Variants in GNG4 observed in about 807,000 individuals in gnomAD.
The protein encoded by GNG4 is guanine nucleotide-binding protein G(I)/G(S)/G(O) subunit gamma-4.
In GNG4, 4 loss-of-function variants were observed where a neutral mutation model predicts 5.8. The ratio of observed to expected loss-of-function variants is 0.69; its 90% confidence interval spans 0.34 to 1.57. The LOEUF is 1.57. Ranked by LOEUF, GNG4 falls within the 40% of genes most tolerant of loss-of-function variation. GNG4 has a pLI of 0.06. For missense variants in GNG4, 96 were observed against 95.1 expected, an observed-to-expected ratio of 1.01 and a Z score of -0.04; for synonymous variants, 29 against 32.9, an observed-to-expected ratio of 0.88 and a Z score of 0.41.
chr1:235,597,683 T>A (rs1688159219), intron 1 of GNG4, among the ~76,000 whole-genome samples: 1 of 146,232 alleles, frequency 6.8e-6, no homozygotes. Flanking sequence ...TGGAGTGCAA[T>A]GGTGCGATCT....
intron 3 of GNG4, among the ~76,000 whole-genome samples, chr1:235,573,169 C>G (rs918522001): frequency 6.6e-6 from 1 of 151,972 alleles, no homozygotes; most frequent in East Asian, 1.9e-4. Flanking sequence ...GAGTTCATGT[C>G]CTTTGTAGGG....
At chr1:235,615,752 G>T in intron 1 of GNG4, 1 of 251,624 alleles carries the variant, frequency 4.0e-6, no homozygotes, top group South Asian at 7.0e-5. Flanking sequence ...ACCAGGAGGA[G>T]GGGGGTGATG....
chr1:235,636,833 T>C (rs1048651957), intron 1 of GNG4, among the ~76,000 whole-genome samples: 2 of 152,138 alleles, frequency 1.3e-5, no homozygotes, highest in Admixed American at 1.3e-4. Flanking sequence ...TTCTAGGTCT[T>C]TCCCTGCTAC....
In GNG4 at chr1:235,644,732, C is replaced by CT. The variant is rs1329950614; in HGVS notation, c.-123+4929_-123+4930insA. 6.6e-6 allele frequency among the ~76,000 whole-genome samples: 1 copy of CT among 152,238 alleles called. No individual in the cohort carries two copies. The highest frequency in any genetic ancestry group is 2.4e-5 in the African/African-American group (1 of 41,458). On this transcript the variant is annotated intron_variant, in intron 1 of 3. Transcript: ENST00000391854. The surrounding 1 kb of genome is among the most constrained non-coding windows in gnomAD (Gnocchi z 5.9). ...TGACTCATGCTCGTTTAGTCGGCCACAGGCTAGGGGCAGCGGAAAGGCCCT... is the reference window on the plus strand; with the variant it reads ...TGACTCATGCTCGTTTAGTCGGCCACTAGGCTAGGGGCAGCGGAAAGGCCCT...
At chr1:235,607,085 C>T (rs1043903241) in intron 1 of GNG4, among the ~76,000 whole-genome samples, 4 of 151,452 alleles carry the variant, frequency 2.6e-5, no homozygotes, top group Non-Finnish European at 4.4e-5. Context: ...ATTACAGGTG[C>T]GCACCACCAC....
At chr1:235,638,482 A>AT (rs34999365) in intron 1 of GNG4, among the ~76,000 whole-genome samples, 119 of 147,704 alleles carry the variant, frequency 8.1e-4, no homozygotes, top group Middle Eastern at 7.0e-3. Flanking sequence ...CTCCTCCTGC[A>AT]TTTTTTTTTT....
chr1:235,599,529 CTGA>C (rs1336434628), intron 1 of GNG4, among the ~76,000 whole-genome samples: 1 of 151,926 alleles, frequency 6.6e-6, no homozygotes, highest in Non-Finnish European at 1.5e-5. Context: ...GTTGGCCAGG[CTGA>C]TAACAAACTC....
At chr1:235,585,527 T>G (rs567487700) in intron 2 of GNG4, among the ~76,000 whole-genome samples, 1 of 152,144 alleles carries the variant, frequency 6.6e-6, no homozygotes, top group African/African-American at 2.4e-5. Context: ...AGATAACGTG[T>G]GTGTGCTTTT....
chr1:235,568,081 C>T (rs1050076825), intron 3 of GNG4, among the ~76,000 whole-genome samples: 1 of 152,116 alleles, frequency 6.6e-6, no homozygotes, highest in African/African-American at 2.4e-5. Flanking sequence ...CAGCCCCTGC[C>T]TTTTTGGAGA....
intron 1 of GNG4, among the ~76,000 whole-genome samples, chr1:235,612,932 C>G (rs1284584826): frequency 6.6e-6 from 1 of 152,142 alleles, no homozygotes; most frequent in Non-Finnish European, 1.5e-5. Context: ...TTCTGGGCGG[C>G]AGACTGTTCA....
intron 3 of GNG4, among the ~76,000 whole-genome samples, chr1:235,567,373 A>G (rs796509911): frequency 8.5e-5 from 13 of 152,332 alleles, no homozygotes; most frequent in African/African-American, 2.6e-4. Context: ...GTTCAGTAGT[A>G]TTAAGTATTT....
intron 3 of GNG4, chr1:235,565,814 G>A (rs562101772): frequency 3.9e-5 from 6 of 152,348 alleles, no homozygotes; most frequent in African/African-American, 1.4e-4. Context: ...AGACTGCCCA[G>A]TCGTTCCTAT....
chr1:235,602,371 G>A (rs1688274552), intron 1 of GNG4, among the ~76,000 whole-genome samples: 1 of 152,178 alleles, frequency 6.6e-6, no homozygotes, highest in South Asian at 2.1e-4. Context: ...CACAGTCCTG[G>A]GGGACGAGAG....
intron 3 of GNG4, among the ~76,000 whole-genome samples, chr1:235,571,565 A>G (rs188964530): frequency 1.2e-3 from 187 of 152,354 alleles, no homozygotes; most frequent in African/African-American, 4.3e-3. Flanking sequence ...AAACACACAC[A>G]TTACTGATAA....
At chr1:235,633,052 G>A (rs1308834243) in intron 1 of GNG4, among the ~76,000 whole-genome samples, 3 of 152,072 alleles carry the variant, frequency 2.0e-5, no homozygotes, top group South Asian at 2.1e-4. Flanking sequence ...GCTCAAGTAC[G>A]CCATGCATGG....
rs747916965 is a variant in GNG4 at position 235,552,189 on chromosome 1, G to A, written c.148C>T (p.Arg50Trp). 16 of 1,613,636 alleles carry A rather than the reference G, an allele frequency of 9.9e-6. No individual in the cohort carries two copies. The highest frequency in any genetic ancestry group is 2.2e-5 in the South Asian group (2 of 91,066). ...ACTGGAATGATGAGAGGATCTTCCCGCACGTGAGCTTCACAGTAGGCCAGG... is the reference window on the plus strand; with the variant it reads ...ACTGGAATGATGAGAGGATCTTCCCACACGTGAGCTTCACAGTAGGCCAGG... ...DLLAYCEAHV[R>W]EDPLIIPVPA... is the part of the protein sequence containing the mutation. Residue 50 changes from arginine (R) to tryptophan (W), a missense_variant, in exon 4 of 4, where the codon CGG becomes TGG. Coordinates refer to ENST00000391854, the MANE Select transcript of GNG4 (RefSeq NM_001098722.2).
chr1:235,622,019 G>T (rs79269738), intron 1 of GNG4, among the ~76,000 whole-genome samples: 9,609 of 151,968 alleles, frequency 0.063, 762 homozygotes, highest in African/African-American at 0.18. Context: ...CTTATGAAAA[G>T]AAATTAGAAA....
chr1:235,615,341 G>C (rs1192842888), intron 1 of GNG4: 1 of 152,712 alleles, frequency 6.5e-6, no homozygotes, highest in Non-Finnish European at 1.5e-5. Flanking sequence ...AGCTGGATAA[G>C]GCAAGAAAAA....
At chr1:235,557,702 C>A (rs114494725) in intron 3 of GNG4, among the ~76,000 whole-genome samples, 2,755 of 152,310 alleles carry the variant, frequency 0.018, 45 homozygotes, top group Non-Finnish European at 0.028. Flanking sequence ...GGGCGCCTCA[C>A]TGGGGAAGCT....
Sources: gnomAD v4.1 joint callset for allele counts (sites outside exome capture counted in the v4.1 genomes callset) on GRCh38, gnomAD v4.1.1 for gene constraint, Gnocchi (gnomAD v3.1) non-coding constraint, MANE v1.5 for transcripts, NCBI Gene and HGNC (gene_info 2026-07-23, HGNC 2026-07-21) for gene names.